Variants in CD5 observed in about 807,000 individuals in gnomAD.
The protein encoded by CD5 is CD5 molecule, also known as T-cell surface glycoprotein CD5.
Under a neutral mutation model 60.3 loss-of-function variants are expected in CD5, and 36 were observed. That is an observed-to-expected ratio of 0.60 (90% CI 0.46 to 0.79). CD5 has a LOEUF of 0.79. Ranked by LOEUF, CD5 falls within the 30% of genes least tolerant of loss-of-function variation. The pLI, the probability that CD5 is intolerant of heterozygous loss-of-function variation, is 0.00. For synonymous variants in CD5, 230 were observed against 257.6 expected, an observed-to-expected ratio of 0.89 and a Z score of 1.03; for missense variants, 540 against 630.6, an observed-to-expected ratio of 0.86 and a Z score of 1.54.
rs34209302 is a variant in CD5, at chr11:61,125,133, C to T, written c.1381C>T (p.His461Tyr). Residue 461 changes from histidine to tyrosine, a missense_variant, in exon 9 of 11, where the codon CAC becomes TAC. Physicochemically the swap from His to Tyr is moderately conservative, Grantham distance 83. Coordinates refer to ENST00000347785, the MANE Select transcript of CD5 (RefSeq NM_014207.4). ...ATACAGCCAACCTCCCAGGAACTCC[C>T]ACCTGTCAGCTTATCCAGGTAAGCA... ...NEYSQPPRNS[H>Y]LSAYPALEGA... The T allele has an allele frequency of 0.017, 27,271 of 1,613,974 alleles. 566 individuals carry two copies. The highest frequency in any genetic ancestry group is 0.07 in the South Asian group (6,382 of 91,060).
At chr11:61,104,601 C>A (rs3862666) in intron 1 of CD5, among the ~76,000 whole-genome samples, 33,452 of 152,184 alleles carry the variant, frequency 0.22, 4,016 homozygotes, top group African/African-American at 0.28. Context: ...CCCCTTCACC[C>A]CAGTATGGGG....
At position 61,119,312 on chromosome 11, in the gene CD5, T is replaced by G. The variant is rs1413934183; in HGVS notation, c.542T>G (p.Leu181Arg). The change falls in exon 5 of 11, where the codon CTG becomes CGG. Residue 181 changes from leucine (L) to arginine (R), a missense_variant. By Grantham distance (102) the Leu-to-Arg change is moderately radical. Transcript: ENST00000347785. ...AGVVEFYSGS[L>R]GGTISYEAQD... ...GTGGTGGAGTTCTACAGCGGCAGCC[T>G]GGGGGGTACCATCAGCTATGAGGCC... 2 of 1,613,770 alleles carry G rather than the reference T, an allele frequency of 1.2e-6. No homozygotes were observed. Among genetic ancestry groups the G allele is most frequent in the Non-Finnish European group, 1.7e-6 (2 of 1,180,020 alleles).
chr11:61,111,139 C>G (rs186841607), intron 1 of CD5, among the ~76,000 whole-genome samples: 2 of 152,134 alleles, frequency 1.3e-5, no homozygotes, highest in East Asian at 3.8e-4. Flanking sequence ...TGGAATCTGC[C>G]AAGATTGTCA....
chr11:61,124,004 G>A lies in CD5; in HGVS notation c.1279+67G>A, dbSNP rs1243455077. On this transcript the variant is annotated intron_variant, in intron 8 of 10. Transcript: ENST00000347785. ...CAGAGGCCATGGAGGCAGAGTCGAGGCTCTCTGCTGACCACAGACGGAGCC... is the reference window on the plus strand; with the variant it reads ...CAGAGGCCATGGAGGCAGAGTCGAGACTCTCTGCTGACCACAGACGGAGCC... The A allele has an allele frequency of 4.7e-6, 6 of 1,264,548 alleles. No homozygotes were observed. The East Asian group carries it at 1.4e-4, about 30-fold the overall frequency. 78.3% of individuals were successfully genotyped at this position (1,264,548 alleles called of 1,614,324 possible).
At chr11:61,097,145 G>A in the CD5 span, among the ~76,000 whole-genome samples, 3 of 152,220 alleles carry the variant, frequency 2.0e-5, no homozygotes, top group South Asian at 4.2e-4. Flanking sequence ...CAAGAAATTT[G>A]TTTTTGCAAT....
chr11:61,122,781 C>T lies in CD5; in HGVS notation c.1100-126C>T, dbSNP rs539462702. The T allele has an allele frequency of 9.0e-5, 92 of 1,026,946 alleles. No individual in the cohort carries two copies. In the Admixed American group the frequency reaches 1.3e-3, roughly 14 times the overall value. 63.6% of individuals were successfully genotyped at this position (1,026,946 alleles called of 1,614,324 possible). ...GATAGCCAAATAGATCATTGCCTTC[C>T]GTGCATGCTGGTGAATTTCTCAGAT... is the stretch of plus-strand genomic sequence containing the variant. On this transcript the variant is annotated intron_variant, in intron 6 of 10. Transcript: ENST00000347785.
chr11:61,123,772 T>G (rs1244803400), intron 7 of CD5, 112 bp from the exon 8 acceptor site: 16 of 821,500 alleles, frequency 1.9e-5, no homozygotes, highest in African/African-American at 8.5e-5. Flanking sequence ...TGCCCTCAGC[T>G]GCACCTGCCG....
At chr11:61,117,204 G>A (rs912243543) in intron 2 of CD5, among the ~76,000 whole-genome samples, 2 of 152,124 alleles carry the variant, frequency 1.3e-5, no homozygotes, top group Non-Finnish European at 2.9e-5. Context: ...CATGCTAAGC[G>A]AAAAAAGCCA....
At chr11:61,098,389 G>T (rs1380686919), upstream of CD5, among the ~76,000 whole-genome samples, 1 of 152,166 alleles carries the variant, frequency 6.6e-6, no homozygotes, top group Admixed American at 6.5e-5. Flanking sequence ...CAAAAGAGGG[G>T]AATAAGGGAG....
At chr11:61,117,107 T>C (rs960665531) in intron 2 of CD5, among the ~76,000 whole-genome samples, 1 of 152,196 alleles carries the variant, frequency 6.6e-6, no homozygotes, top group African/African-American at 2.4e-5. Context: ...GGAAAACAAA[T>C]TGGCATGTCC....
rs757852160 is a variant in CD5, at chr11:61,118,283, C to G, written c.203C>G (p.Ser68Cys). Residue 68 changes from serine (S) to cysteine (C), a missense_variant, in exon 3 of 11, where the codon TCC becomes TGC. Coordinates refer to ENST00000347785, the MANE Select transcript of CD5 (RefSeq NM_014207.4). This position sits in a 1 kb window ranked among gnomAD's most constrained non-coding sequence, Gnocchi z 4.7. ...TGCAGCCAGAGCTGGGGCCGGAGCT[C>G]CAAGCAGTGGGAGGACCCCAGTCAA... ...MVCSQSWGRS[S>C]KQWEDPSQAS... 1.2e-6 allele frequency: 2 copies of G among 1,614,256 alleles called. No homozygotes were observed. Among genetic ancestry groups the G allele is most frequent in the South Asian group, 1.1e-5 (1 of 91,088 alleles).
chr11:61,109,068 C>A (rs1446387386), intron 1 of CD5, among the ~76,000 whole-genome samples: 4 of 152,196 alleles, frequency 2.6e-5, no homozygotes. Context: ...ACAAAGCCAG[C>A]CGCCCTGGGC....
chr11:61,096,201 G>A, the CD5 span, among the ~76,000 whole-genome samples: 1 of 152,218 alleles, frequency 6.6e-6, no homozygotes, highest in Non-Finnish European at 1.5e-5. Context: ...TAACCAATGC[G>A]CCTGTTGTAA....
intron 1 of CD5, among the ~76,000 whole-genome samples, chr11:61,105,817 G>A (rs1860769134): frequency 6.6e-6 from 1 of 152,170 alleles, no homozygotes; most frequent in South Asian, 2.1e-4. Context: ...AGAGCTGTTA[G>A]AGAACACAAG....
intron 1 of CD5, among the ~76,000 whole-genome samples, chr11:61,106,421 C>T (rs1345441026): frequency 1.3e-5 from 2 of 152,130 alleles, no homozygotes; most frequent in African/African-American, 4.8e-5. Context: ...GGGTGGGGCT[C>T]CTACTGGGAG....
chr11:61,118,911 G>A lies in CD5; in HGVS notation c.401-4G>A. The A allele has an allele frequency of 6.2e-7, 1 of 1,613,196 alleles. No individual in the cohort carries two copies. Among genetic ancestry groups the A allele is most frequent in the African/African-American group, 1.3e-5 (1 of 74,928 alleles). On this transcript the variant is annotated splice_polypyrimidine_tract_variant and splice_region_variant and intron_variant, in intron 3 of 10. Transcript: ENST00000347785. This position sits in a 1 kb window ranked among gnomAD's most constrained non-coding sequence, Gnocchi z 4.7. The stretch of plus-strand genomic sequence containing the variant: ...TCCTCCCTCACCAGAGTGTCTCATT[G>A]CAGAACCCCAGAAGACAACACCTCC...
chr11:61,119,191 C>A, intron 4 of CD5, 43 bp from the exon 5 acceptor site: 2 of 1,504,210 alleles, frequency 1.3e-6, no homozygotes, highest in East Asian at 2.3e-5. Context: ...AGGAAGCCCT[C>A]GGCGCTCAGG....
At chr11:61,099,409 T>TCACACACACACACATCAACATGGAGATTA (rs111843769), upstream of CD5, among the ~76,000 whole-genome samples, 3 of 128,162 alleles carry the variant, frequency 2.3e-5, no homozygotes, top group Non-Finnish European at 4.8e-5. Flanking sequence ...AACATGGAAA[T>TCACACACACACACATCAACATGGAGATTA]CACACACATC....
At position 61,118,024 on chromosome 11, in the gene CD5, G is replaced by A; in HGVS notation, c.95-151G>A. ...GGGTCCTCTGGGAAGCCCCTGCAGT[G>A]CCCCAGAAGGGACGAAGCTCACAAG... On this transcript the variant is annotated intron_variant, in intron 2 of 10. Transcript: ENST00000347785. The surrounding 1 kb of genome is among the most constrained non-coding windows in gnomAD (Gnocchi z 4.7). 1 of 767,412 alleles carries A rather than the reference G, an allele frequency of 1.3e-6. No individual in the cohort carries two copies. The highest frequency in any genetic ancestry group is 2.6e-5 in the East Asian group (1 of 37,998). 47.5% of individuals were successfully genotyped at this position (767,412 alleles called of 1,614,324 possible).
Sources: allele counts gnomAD v4.1 joint callset (sites outside exome capture counted in the v4.1 genomes callset), GRCh38; gene constraint gnomAD v4.1.1; non-coding constraint Gnocchi (gnomAD v3.1); transcripts MANE v1.5; gene names NCBI Gene and HGNC (gene_info 2026-07-23, HGNC 2026-07-21).